KCNIP4: variants seen among roughly 807,000 people sequenced by gnomAD.
KCNIP4 encodes Kv channel-interacting protein 4.
In KCNIP4, 12 loss-of-function variants were observed where a neutral mutation model predicts 34.0. The ratio of observed to expected loss-of-function variants is 0.35; its 90% CI spans 0.23 to 0.57. The LOEUF is 0.57. KCNIP4 is among the 20% of genes least tolerant of loss of function. The probability of loss-of-function intolerance (pLI) is 0.83; values close to 1 mark genes in which losing one functional copy is unlikely to be tolerated. For missense variants in KCNIP4, 238 were observed against 311.7 expected (o/e 0.76, Z 1.78); for synonymous variants, 124 against 102.2 (o/e 1.21, Z -1.29).
At chr4:20,811,707 G>A (rs1389964095) in intron 3 of KCNIP4, among the ~76,000 whole-genome samples, 1 of 152,056 alleles carries the variant, frequency 6.6e-6, no homozygotes, top group Admixed American at 6.6e-5. Context: ...AAGAGGGAGG[G>A]GAGAGGAGTC....
At chr4:21,479,445 G>C (rs191630661) in intron 1 of KCNIP4, among the ~76,000 whole-genome samples, 95 of 152,178 alleles carry the variant, frequency 6.2e-4, no homozygotes, top group Non-Finnish European at 1.1e-3. Flanking sequence ...CATGCTAAAG[G>C]AGTGTACACG....
chr4:21,012,129 A>G lies in KCNIP4; in HGVS notation c.62-129420T>C, dbSNP rs530916546. On this transcript the variant is annotated intron_variant, in intron 1 of 8. Transcript: ENST00000382152. Reference sequence around the variant, plus strand: ...CATCATTCCACCACTCCAATAGGACATGGGCTTATAGAGAACAGAGTCAAG... The same window carrying G: ...CATCATTCCACCACTCCAATAGGACGTGGGCTTATAGAGAACAGAGTCAAG... Among the ~76,000 whole-genome samples, 48 of 152,344 alleles carry G rather than the reference A, an allele frequency of 3.2e-4. No homozygotes were observed. In the South Asian group the frequency reaches 5.0e-3, roughly 16 times the overall value.
chr4:21,078,070 G>A (rs1246604336), intron 1 of KCNIP4, among the ~76,000 whole-genome samples: 1 of 152,030 alleles, frequency 6.6e-6, no homozygotes, highest in Non-Finnish European at 1.5e-5. Flanking sequence ...GAGGGAACAT[G>A]GTTGAGCAGA....
chr4:21,444,649 A>G (rs1290535975), intron 1 of KCNIP4, among the ~76,000 whole-genome samples: 1 of 152,236 alleles, frequency 6.6e-6, no homozygotes, highest in African/African-American at 2.4e-5. Flanking sequence ...GCTATTTATG[A>G]TAACCCCATA....
intron 1 of KCNIP4, among the ~76,000 whole-genome samples, chr4:21,651,478 T>C (rs902232002): frequency 3.9e-5 from 6 of 152,218 alleles, no homozygotes; most frequent in Admixed American, 1.3e-4. Flanking sequence ...GAAATGGGAA[T>C]AATTTTGTTA....
chr4:20,987,450 A>T (rs1736679692), intron 1 of KCNIP4, among the ~76,000 whole-genome samples: 2 of 152,158 alleles, frequency 1.3e-5, no homozygotes, highest in South Asian at 4.1e-4. Flanking sequence ...GCTTTTACCC[A>T]TTGATTCTAA....
chr4:21,383,312 T>A (rs201901668), intron 1 of KCNIP4, among the ~76,000 whole-genome samples: 1 of 26,844 alleles, frequency 3.7e-5, no homozygotes, highest in African/African-American at 1.1e-4. Flanking sequence ...GTTATAAATC[T>A]TTTTTTTTTT....
intron 1 of KCNIP4, among the ~76,000 whole-genome samples, chr4:21,320,547 C>T (rs948860953): frequency 1.3e-5 from 2 of 152,050 alleles, no homozygotes; most frequent in Admixed American, 1.3e-4. Flanking sequence ...ATTTTTCTAC[C>T]TACTATATTG....
chr4:21,465,193 C>T (rs1398426470), intron 1 of KCNIP4, among the ~76,000 whole-genome samples: 1 of 152,096 alleles, frequency 6.6e-6, no homozygotes, highest in Non-Finnish European at 1.5e-5. Context: ...AGTTGAATGC[C>T]TACTGTAAGA....
intron 2 of KCNIP4, among the ~76,000 whole-genome samples, chr4:20,854,049 C>T (rs555644392): frequency 2.7e-4 from 41 of 152,104 alleles, no homozygotes; most frequent in Non-Finnish European, 5.7e-4. Flanking sequence ...GTGGGAATGT[C>T]AACTAGTACA....
chr4:21,708,562 T>C (rs542566342), intron 1 of KCNIP4, among the ~76,000 whole-genome samples: 5 of 152,236 alleles, frequency 3.3e-5, no homozygotes, highest in Admixed American at 2.0e-4. Context: ...ATTATGGCTC[T>C]ATAAACTCCC....
chr4:21,194,182 T>A (rs1363673581), intron 1 of KCNIP4, among the ~76,000 whole-genome samples: 2 of 152,280 alleles, frequency 1.3e-5, no homozygotes, highest in East Asian at 3.9e-4. Context: ...CATAATTCTG[T>A]TTACTATTGA....
chr4:20,810,668 AGAT>A (rs1158069568), intron 3 of KCNIP4, among the ~76,000 whole-genome samples: 3 of 152,256 alleles, frequency 2.0e-5, no homozygotes, highest in Non-Finnish European at 1.5e-5. Context: ...ATGGTCACCA[AGAT>A]GAACAGAAAG....
intron 1 of KCNIP4, among the ~76,000 whole-genome samples, chr4:21,758,204 T>C (rs1043366089): frequency 6.6e-6 from 1 of 152,194 alleles, no homozygotes; most frequent in Admixed American, 6.5e-5. Flanking sequence ...CTGTTCTAGG[T>C]ACTGGGGATA....
At chr4:21,719,143 C>A (rs576734662) in intron 1 of KCNIP4, 1 of 152,032 alleles carries the variant, frequency 6.6e-6, no homozygotes, top group Non-Finnish European at 1.5e-5. Flanking sequence ...ATAGCTGATG[C>A]TAGAAACCAA....
intron 1 of KCNIP4, among the ~76,000 whole-genome samples, chr4:20,986,384 C>T (rs561062152): frequency 1.3e-5 from 2 of 152,210 alleles, no homozygotes; most frequent in Admixed American, 6.5e-5. Context: ...TATCAGCAAG[C>T]CTGTGGCGGG....
intron 1 of KCNIP4, among the ~76,000 whole-genome samples, chr4:21,427,258 T>C (rs373820087): frequency 2.0e-5 from 3 of 152,112 alleles, no homozygotes; most frequent in Non-Finnish European, 4.4e-5. Context: ...TTAACAAATA[T>C]TTATTGAGCA....
intron 1 of KCNIP4, among the ~76,000 whole-genome samples, chr4:21,509,987 G>T (rs562245298): frequency 6.8e-6 from 1 of 146,902 alleles, no homozygotes; most frequent in East Asian, 2.0e-4. Context: ...GTGTGGTGGC[G>T]CCTGCCTGTA....
At chr4:21,716,392 G>A (rs10029136) in intron 1 of KCNIP4, among the ~76,000 whole-genome samples, 45,024 of 151,698 alleles carry the variant, frequency 0.3, 7,701 homozygotes, top group African/African-American at 0.48. Context: ...GCATGCCACT[G>A]TATCTGGCTC....
Sources: gnomAD v4.1 joint callset for allele counts (sites outside exome capture counted in the v4.1 genomes callset) on GRCh38, gnomAD v4.1.1 for gene constraint, MANE v1.5 for transcripts, NCBI Gene and HGNC (gene_info 2026-07-23, HGNC 2026-07-21) for gene names.